Variants in SEPTIN3 observed in about 807,000 individuals in gnomAD.
The protein encoded by SEPTIN3 is neuronal-specific septin-3.
SEPTIN3 carries 15 observed loss-of-function variants against 45.1 expected under a neutral mutation model. That is an observed-to-expected ratio of 0.33 (90% CI 0.22 to 0.51). The LOEUF (loss-of-function observed/expected upper bound fraction) is 0.51, where lower values mean the gene tolerates loss of function less well. SEPTIN3 is among the 20% of genes least tolerant of loss of function. SEPTIN3 has a pLI of 0.97. For missense variants in SEPTIN3, 289 were observed against 457.2 expected, an observed-to-expected ratio of 0.63 and a Z score of 3.35; for synonymous variants, 148 against 164.8, an observed-to-expected ratio of 0.90 and a Z score of 0.78.
intron 7 of SEPTIN3, among the ~76,000 whole-genome samples, chr22:41,990,265 CGGCTAGTCTT>C (rs2078284654): frequency 6.6e-6 from 1 of 150,724 alleles, no homozygotes; most frequent in African/African-American, 2.4e-5. Flanking sequence ...AGGATGGTCT[CGGCTAGTCTT>C]GATCTCCTGA....
At chr22:41,973,629 T>TGC (rs2077983039) in intron 2 of SEPTIN3, among the ~76,000 whole-genome samples, 1 of 151,072 alleles carries the variant, frequency 6.6e-6, no homozygotes, top group Admixed American at 6.6e-5. Context: ...GCCGAGATCA[T>TGC]GCCACTGCAC....
Position 41,976,796 on chromosome 22 carries a change from C to G in SEPTIN3, c.1504+3800C>G. 6.7e-6 allele frequency: 1 copy of G among 148,744 alleles called. No homozygotes were observed. The highest frequency in any genetic ancestry group is 2.0e-4 in the East Asian group (1 of 5,112). 9.2% of individuals were successfully genotyped at this position (148,744 alleles called of 1,614,324 possible). A position where few individuals can be genotyped will look rare whatever the true frequency, so the allele number is the denominator to read the frequency against. The stretch of plus-strand genomic sequence containing the variant: ...CGCGGTCACGTGGTGCGGGTGGCAG[C>G]GGCGGCGGCTGGCGGCGGCGGCAAC... On this transcript the variant is annotated intron_variant, in intron 2 of 11. Transcript: ENST00000644076. The surrounding 1 kb of genome is among the most constrained non-coding windows in gnomAD (Gnocchi z 5.8).
chr22:41,993,291 A>G (rs1039185556), intron 9 of SEPTIN3, among the ~76,000 whole-genome samples: 28 of 152,178 alleles, frequency 1.8e-4, no homozygotes, highest in African/African-American at 5.8e-4. Context: ...TCCAAAGCAC[A>G]TAACTTGTTA....
At position 41,987,545 on chromosome 22, in the gene SEPTIN3, T is replaced by G. The variant is rs575778203; in HGVS notation, c.1908-77T>G. 6 of 1,504,758 alleles carry G rather than the reference T, an allele frequency of 4.0e-6. No homozygotes were observed. The African/African-American group carries it at 6.9e-5, about 17-fold the overall frequency. 93.2% of individuals were successfully genotyped at this position (1,504,758 alleles called of 1,614,324 possible). A position where few individuals can be genotyped will look rare whatever the true frequency, so the allele number is the denominator to read the frequency against. The stretch of plus-strand genomic sequence containing the variant: ...AGGGAATGACATGAATGTAAGGAGA[T>G]TGCTACCAGATCATGCCTAAGCTGA... On this transcript the variant is annotated intron_variant, in intron 5 of 11. Coordinates refer to ENST00000644076, the MANE Select transcript of SEPTIN3 (RefSeq NM_001363845.2).
chr22:41,989,328 G>T (rs1333452845), intron 6 of SEPTIN3, among the ~76,000 whole-genome samples: 1 of 152,128 alleles, frequency 6.6e-6, no homozygotes, highest in Non-Finnish European at 1.5e-5. Flanking sequence ...GTGGTTTGAG[G>T]GGGGCTTAAA....
At chr22:41,992,855 G>A (rs577004883) in intron 9 of SEPTIN3, 92 bp downstream of exon 9, 1 of 875,276 alleles carries the variant, frequency 1.1e-6, no homozygotes, top group South Asian at 1.4e-5. Context: ...ACTGTCTCAG[G>A]ACATATGAAA....
Position 41,991,564 on chromosome 22 carries a change from C to G in SEPTIN3, c.2164-9C>G. The G allele has an allele frequency of 6.3e-7, 1 of 1,595,476 alleles. No individual in the cohort carries two copies. Among genetic ancestry groups the G allele is most frequent in the Non-Finnish European group, 8.6e-7 (1 of 1,162,992 alleles). On this transcript the variant is annotated splice_polypyrimidine_tract_variant and intron_variant, in intron 7 of 11. Coordinates refer to ENST00000644076, the MANE Select transcript of SEPTIN3 (RefSeq NM_001363845.2). ...ACTTGACTACCTTGTTTCTTCTCCT[C>G]GCCTCTAGGTTCGCAAGGAGCTTGA...
Position 41,997,053 on chromosome 22 carries a change from C to T in SEPTIN3, c.*86C>T. 1 of 1,601,142 alleles carries T rather than the reference C, an allele frequency of 6.2e-7. No individual in the cohort carries two copies. Among genetic ancestry groups the T allele is most frequent in the Non-Finnish European group, 8.5e-7 (1 of 1,174,260 alleles). ...AGCCCTTTTTAGTGCTGTGCTCGTC[C>T]AGCTCACCACCACAGCCCCTCTCAG... On this transcript the variant is annotated 3_prime_UTR_variant, in exon 12 of 12. Coordinates refer to ENST00000644076, the MANE Select transcript of SEPTIN3 (RefSeq NM_001363845.2).
At chr22:41,978,556 G>A (rs959272599) in intron 2 of SEPTIN3, among the ~76,000 whole-genome samples, 5 of 152,168 alleles carry the variant, frequency 3.3e-5, no homozygotes, top group Non-Finnish European at 7.3e-5. Flanking sequence ...CAGGGGAGTT[G>A]TAGGGACAGA....
At position 41,987,768 on chromosome 22, in the gene SEPTIN3, C is replaced by A. The variant is rs1332611849; in HGVS notation, c.2045+9C>A. 2.5e-6 allele frequency: 4 copies of A among 1,605,182 alleles called. No homozygotes were observed. In the Admixed American group the frequency reaches 6.7e-5, roughly 27 times the overall value. On this transcript the variant is annotated intron_variant, in intron 6 of 11. Transcript: ENST00000644076. ...TCTCCCACAGGACACTCGTATGTAC[C>A]AACCCTACCCCTATTGTCAGGCCTG... is the stretch of plus-strand genomic sequence containing the variant.
intron 3 of SEPTIN3, 125 bp downstream of exon 3, chr22:41,981,961 C>T (rs988378610): frequency 2.0e-4 from 179 of 881,660 alleles, no homozygotes; most frequent in Admixed American, 2.0e-4. Context: ...GGGAGAATTT[C>T]ACCATGCTGA....
intron 2 of SEPTIN3, among the ~76,000 whole-genome samples, chr22:41,980,766 T>G (rs912376324): frequency 3.9e-5 from 6 of 152,170 alleles, no homozygotes; most frequent in Non-Finnish European, 7.3e-5. Context: ...GAGGGGCTGG[T>G]TCCTCAGCCT....
At chr22:41,989,297 C>T (rs898922779) in intron 6 of SEPTIN3, among the ~76,000 whole-genome samples, 9 of 152,024 alleles carry the variant, frequency 5.9e-5, no homozygotes, top group African/African-American at 2.2e-4. Context: ...ATCCCTGAGT[C>T]AGAAAAGATG....
chr22:41,995,947 T>C, intron 11 of SEPTIN3: 1 of 983,888 alleles, frequency 1.0e-6, no homozygotes, highest in Non-Finnish European at 1.2e-6. Flanking sequence ...TTCTTAGTAA[T>C]TTGGCTTCAA....
rs1279335393 is a variant in SEPTIN3 at position 41,973,597 on chromosome 22, C to T, written c.1504+601C>T. On this transcript the variant is annotated intron_variant, in intron 2 of 11. Transcript: ENST00000644076. ...CTGAGGCAGGAGAATGGCGTGAACC[C>T]GGGAGGTGGAGCTTGCAATGAGCCG... is the stretch of plus-strand genomic sequence containing the variant. Among the ~76,000 whole-genome samples the T allele has an allele frequency of 4.6e-5, 7 of 150,616 alleles. No individual in the cohort carries two copies. In the East Asian group the frequency reaches 5.9e-4, roughly 13 times the overall value.
chr22:41,987,577 G>A, intron 5 of SEPTIN3, 45 bp from the exon 6 acceptor site: 1 of 1,587,488 alleles, frequency 6.3e-7, no homozygotes, highest in South Asian at 1.1e-5. Context: ...CTGAGCCCTA[G>A]GTCTTGTTCT....
Position 41,972,067 on chromosome 22 carries a change from C to G in SEPTIN3, c.575C>G (p.Ala192Gly), listed in dbSNP as rs1033100356. The G allele has an allele frequency of 2.5e-6, 1 of 399,146 alleles. No individual in the cohort carries two copies. The highest frequency in any genetic ancestry group is 4.4e-6 in the Non-Finnish European group (1 of 226,130). 24.7% of individuals were successfully genotyped at this position (399,146 alleles called of 1,614,324 possible). ...TEKPLVSSYL[A>G]LPFQSRLAQS... ...AAGCCCCTGGTGAGTTCCTACCTAG[C>G]CTTACCTTTCCAATCCCGGTTAGCC... is the stretch of plus-strand genomic sequence containing the variant. Residue 192 changes from alanine to glycine, a missense_variant, in exon 2 of 12, where the codon GCC becomes GGC. By Grantham distance (60) the Ala-to-Gly change is moderately conservative (BLOSUM62 0). Around this residue, in one of 3 missense-constraint regions of SEPTIN3, gnomAD observed 200 missense variants for 315.1 expected, o/e 0.63. Transcript: ENST00000644076.
At position 41,974,562 on chromosome 22, in the gene SEPTIN3, C is replaced by T. The variant is rs1174274445; in HGVS notation, c.1504+1566C>T. Among the ~76,000 whole-genome samples the T allele has an allele frequency of 3.3e-5, 5 of 151,260 alleles. No individual in the cohort carries two copies. In the East Asian group the frequency reaches 9.7e-4, roughly 29 times the overall value. ...CCTGTAGTCCCAGCTACTTGGGAGGCTGAGGCAGGAGAATGGCGTGAACCC... is the reference window on the plus strand; with the variant it reads ...CCTGTAGTCCCAGCTACTTGGGAGGTTGAGGCAGGAGAATGGCGTGAACCC... On this transcript the variant is annotated intron_variant, in intron 2 of 11. Coordinates refer to ENST00000644076, the MANE Select transcript of SEPTIN3 (RefSeq NM_001363845.2).
At chr22:41,982,251 GTAATCCC>G (rs1280222461) in intron 3 of SEPTIN3, 5 of 173,070 alleles carry the variant, frequency 2.9e-5, no homozygotes, top group Non-Finnish European at 6.2e-5. Context: ...GCTCACACCT[GTAATCCC>G]AGCACTTTGG....
Sources: allele counts gnomAD v4.1 joint callset (sites outside exome capture counted in the v4.1 genomes callset), GRCh38; gene constraint gnomAD v4.1.1; regional missense constraint gnomAD v4.1.1; non-coding constraint Gnocchi (gnomAD v3.1); transcripts MANE v1.5; gene names NCBI Gene and HGNC (gene_info 2026-07-23, HGNC 2026-07-21).